The following PCDH1 variants were observed in gnomAD, a reference collection of about 807,000 sequenced individuals.
The protein encoded by PCDH1 is protocadherin-1.
PCDH1 carries 23 observed loss-of-function variants against 74.6 expected under a neutral mutation model. The observed-to-expected ratio is 0.31, with a 90% confidence interval of 0.22 to 0.44. The LOEUF (loss-of-function observed/expected upper bound fraction) is 0.44. Among genes scored for constraint, PCDH1 ranks in the 20% least tolerant of loss-of-function variants. The probability of loss-of-function intolerance (pLI) is 1.00; values close to 1 mark genes in which losing one functional copy is unlikely to be tolerated. For synonymous variants in PCDH1, 647 were observed against 686.1 expected (o/e 0.94, Z 0.89); for missense variants, 1,214 against 1,641.4 (o/e 0.74, Z 4.50).
intron 3 of PCDH1, chr5:141,862,555 G>A: frequency 1.1e-6 from 1 of 871,558 alleles, no homozygotes; most frequent in Non-Finnish European, 1.4e-6. Flanking sequence ...GAGGCAAAGA[G>A]AAGGGAAGGG....
At position 141,863,955 on chromosome 5, in the gene PCDH1, C is replaced by T. The variant is rs1596552520; in HGVS notation, c.2376G>A (p.Val792=). Residue 792 remains valine (V), a synonymous_variant, in exon 3 of 5, where the codon GTG becomes GTA. Transcript: ENST00000287008. This position sits in a 1 kb window ranked among gnomAD's most constrained non-coding sequence, Gnocchi z 7.5. ...GGGGCTTGCCGCGGTCACTGACCTT[C>T]ACCACCAGGCGGTGTAGCCCATGGT... ...RRHHGLHRLV[V]KVSDRGKPPR... 1.2e-6 allele frequency: 2 copies of T among 1,614,168 alleles called. No homozygotes were observed. Among genetic ancestry groups the T allele is most frequent in the South Asian group, 2.2e-5 (2 of 91,082 alleles).
Position 141,878,257 on chromosome 5 carries a change from G to A in PCDH1, c.6C>T (p.Asp2=). The A allele has an allele frequency of 4.5e-6, 6 of 1,327,382 alleles. No homozygotes were observed. Among genetic ancestry groups the A allele is most frequent in the Non-Finnish European group, 5.8e-6 (6 of 1,042,554 alleles). The allele number at this position is 1,327,382 out of a possible 1,614,324, so 82.2% of individuals were successfully genotyped here. A position where few individuals can be genotyped will look rare whatever the true frequency, so the allele number is the denominator to read the frequency against. The part of the protein sequence containing the change: M[D]SGAGGRRCPE... ...GGCAGCGCCGGCCGCCCGCCCCGCT[G>A]TCCATGAGCCGCCGCCGGCCCCGGC... is the stretch of plus-strand genomic sequence containing the variant. The change falls in exon 1 of 5, where the codon GAC becomes GAT. Residue 2 remains aspartate (D), a synonymous_variant. Transcript: ENST00000287008. The surrounding 1 kb of genome is among the most constrained non-coding windows in gnomAD (Gnocchi z 5.5).
In PCDH1 at chr5:141,878,124, G is replaced by A; in HGVS notation, c.40+99C>T. 2 of 1,157,304 alleles carry A rather than the reference G, an allele frequency of 1.7e-6. No individual in the cohort carries two copies. The highest frequency in any genetic ancestry group is 1.6e-5 in the African/African-American group (1 of 60,796). 71.7% of individuals were successfully genotyped at this position (1,157,304 alleles called of 1,614,324 possible). A position where few individuals can be genotyped will look rare whatever the true frequency, so the allele number is the denominator to read the frequency against. ...CGCGCCGAGCTCGTGTTGGGCCCCC[G>A]CGGCCTCGCTCCGCCGAGCGCCCCT... On this transcript the variant is annotated intron_variant, in intron 1 of 4. Coordinates refer to ENST00000287008, the MANE Select transcript of PCDH1 (RefSeq NM_032420.5). The surrounding 1 kb of genome is among the most constrained non-coding windows in gnomAD (Gnocchi z 5.5).
intron 2 of PCDH1, among the ~76,000 whole-genome samples, chr5:141,866,535 G>A (rs983321991): frequency 6.6e-6 from 1 of 152,218 alleles, no homozygotes; most frequent in Non-Finnish European, 1.5e-5. Context: ...GACTGCTGTG[G>A]GGAGTGAGGG....
Position 141,878,101 on chromosome 5 carries a change from C to T in PCDH1, c.40+122G>A. The T allele has an allele frequency of 3.4e-6, 3 of 885,684 alleles. No individual in the cohort carries two copies. The highest frequency in any genetic ancestry group is 4.6e-6 in the Non-Finnish European group (3 of 645,802). The allele number at this position is 885,684 out of a possible 1,614,324, so 54.9% of individuals were successfully genotyped here. A position where few individuals can be genotyped will look rare whatever the true frequency, so the allele number is the denominator to read the frequency against. ...AGCAGCCCCCACCTCAGCCCCCTCG[C>T]GCCGAGCTCGTGTTGGGCCCCCGCG... On this transcript the variant is annotated intron_variant, in intron 1 of 4. Coordinates refer to ENST00000287008, the MANE Select transcript of PCDH1 (RefSeq NM_032420.5). The surrounding 1 kb of genome is among the most constrained non-coding windows in gnomAD (Gnocchi z 5.5).
chr5:141,856,380 AGACAAGGGCCCTG>A, intron 4 of PCDH1: 1 of 816,982 alleles, frequency 1.2e-6, no homozygotes, highest in Non-Finnish European at 2.0e-6. Context: ...CCGGGAGGTT[AGACAAGGGCCCTG>A]TGCCTGAGGC....
chr5:141,863,744 C>T lies in PCDH1; in HGVS notation c.2587G>A (p.Ala863Thr). The T allele has an allele frequency of 6.2e-7, 1 of 1,614,200 alleles. No individual in the cohort carries two copies. Among genetic ancestry groups the T allele is most frequent in the Non-Finnish European group, 8.5e-7 (1 of 1,180,024 alleles). ...ILFGVVAGVV[A>T]VALLIALAVL... ...GCCAGGGCGATGAGCAAGGCCACGG[C>T]CACCACACCAGCCACCACACCAAAG... The change falls in exon 3 of 5, where the codon GCC becomes ACC. Residue 863 changes from alanine (A) to threonine (T), a missense_variant. By Grantham distance (58) the Ala-to-Thr change is moderately conservative. Around this residue, in one of 4 missense-constraint regions of PCDH1, gnomAD observed 836 missense variants for 1,182.2 expected, o/e 0.71. Transcript: ENST00000287008. The surrounding 1 kb of genome is among the most constrained non-coding windows in gnomAD (Gnocchi z 7.5).
chr5:141,867,102 C>G (rs189020357), intron 2 of PCDH1, among the ~76,000 whole-genome samples: 1 of 152,224 alleles, frequency 6.6e-6, no homozygotes, highest in East Asian at 1.9e-4. Flanking sequence ...ATGAGGATCC[C>G]CAGTCTCCCT....
Position 141,865,301 on chromosome 5 carries a change from G to A in PCDH1, c.1030C>T (p.Pro344Ser). Reference protein sequence around the residue: ...RNTGLITVQGPVDREDLSTLR... With the variant: ...RNTGLITVQGSVDREDLSTLR... Reference sequence around the variant, plus strand: ...GTGCTTAGGTCCTCACGGTCCACCGGGCCCTGAACAGTGATAAGTCCAGTG... The same window carrying A: ...GTGCTTAGGTCCTCACGGTCCACCGAGCCCTGAACAGTGATAAGTCCAGTG... The change falls in exon 3 of 5, where the codon CCG becomes TCG. Residue 344 changes from proline (P) to serine (S), a missense_variant. Coordinates refer to ENST00000287008, the MANE Select transcript of PCDH1 (RefSeq NM_032420.5). This position sits in a 1 kb window ranked among gnomAD's most constrained non-coding sequence, Gnocchi z 4.4. The A allele has an allele frequency of 6.2e-7, 1 of 1,614,156 alleles. No individual in the cohort carries two copies. The highest frequency in any genetic ancestry group is 2.2e-5 in the East Asian group (1 of 44,872).
chr5:141,868,285 A>G lies in PCDH1; in HGVS notation c.903+284T>C, dbSNP rs1420847163. 2.0e-5 allele frequency among the ~76,000 whole-genome samples: 3 copies of G among 152,152 alleles called. No individual in the cohort carries two copies. Among genetic ancestry groups the G allele is most frequent in the Admixed American group, 6.5e-5 (1 of 15,282 alleles). ...GAAGGATCTACTTGACTAGGGCGGG[A>G]GTTTTACTTCTCAGAGGTTCCCCCA... On this transcript the variant is annotated intron_variant, in intron 2 of 4. Transcript: ENST00000287008. This position sits in a 1 kb window ranked among gnomAD's most constrained non-coding sequence, Gnocchi z 4.8.
At chr5:141,857,785 A>T (rs1752407740) in intron 3 of PCDH1, among the ~76,000 whole-genome samples, 1 of 152,208 alleles carries the variant, frequency 6.6e-6, no homozygotes, top group African/African-American at 2.4e-5. Context: ...TTGTTATAGC[A>T]CAACCCTTCT....
At position 141,853,989 on chromosome 5, in the gene PCDH1, T is replaced by C. The variant is rs990511417; in HGVS notation, c.*53A>G. ...GAGAGTGAGGCCCTGGAATGGGCCA[T>C]TTGGGAGCTGGCCGGCGGCTGGGGG... On this transcript the variant is annotated 3_prime_UTR_variant, in exon 5 of 5. Coordinates refer to ENST00000287008, the MANE Select transcript of PCDH1 (RefSeq NM_032420.5). 1 of 1,426,480 alleles carries C rather than the reference T, an allele frequency of 7.0e-7. No homozygotes were observed. The highest frequency in any genetic ancestry group is 9.3e-7 in the Non-Finnish European group (1 of 1,074,126). The allele number at this position is 1,426,480 out of a possible 1,614,324, so 88.4% of individuals were successfully genotyped here. A position where few individuals can be genotyped will look rare whatever the true frequency, so the allele number is the denominator to read the frequency against.
Position 141,878,080 on chromosome 5 carries a change from GC to G in PCDH1, c.40+142del. On this transcript the variant is annotated intron_variant, in intron 1 of 4. Coordinates refer to ENST00000287008, the MANE Select transcript of PCDH1 (RefSeq NM_032420.5). This position sits in a 1 kb window ranked among gnomAD's most constrained non-coding sequence, Gnocchi z 5.5. ...CATCCCCTGCTATGGGCTCCCAGCA[GC>G]CCCCACCTCAGCCCCCTCGCGCCGA... 1.5e-6 allele frequency: 1 copy of G among 667,704 alleles called. No homozygotes were observed. Among genetic ancestry groups the G allele is most frequent in the Non-Finnish European group, 2.2e-6 (1 of 459,942 alleles). 41.4% of individuals were successfully genotyped at this position (667,704 alleles called of 1,614,324 possible). A position where few individuals can be genotyped will look rare whatever the true frequency, so the allele number is the denominator to read the frequency against.
Position 141,863,719 on chromosome 5 carries a change from G to A in PCDH1, c.2612C>T (p.Ala871Val), listed in dbSNP as rs780317619. 6.2e-6 allele frequency: 10 copies of A among 1,614,052 alleles called. No individual in the cohort carries two copies. Among genetic ancestry groups the A allele is most frequent in the African/African-American group, 2.7e-5 (2 of 74,918 alleles). The change falls in exon 3 of 5, where the codon GCG (alanine) becomes GTG (valine). Residue 871 changes from alanine to valine, a missense_variant. By Grantham distance (64) the Ala-to-Val change is moderately conservative. Transcript: ENST00000287008. This position sits in a 1 kb window ranked among gnomAD's most constrained non-coding sequence, Gnocchi z 7.5. ...CTGTCTGCAGTAGCGCACAAGAACC[G>A]CCAGGGCGATGAGCAAGGCCACGGC... ...VVAVALLIALAVLVRYCRQRE... is the reference protein window; with the variant it reads ...VVAVALLIALVVLVRYCRQRE...
intron 3 of PCDH1, among the ~76,000 whole-genome samples, chr5:141,858,736 G>A (rs1026091370): frequency 6.6e-6 from 1 of 152,196 alleles, no homozygotes; most frequent in East Asian, 1.9e-4. Context: ...GAGGCCAGGG[G>A]TGAAAACAGC....
chr5:141,857,780 A>G (rs1752407350), intron 3 of PCDH1, among the ~76,000 whole-genome samples: 2 of 152,194 alleles, frequency 1.3e-5, no homozygotes, highest in Non-Finnish European at 2.9e-5. Flanking sequence ...ACCGCTTGTT[A>G]TAGCACAACC....
chr5:141,871,401 T>C (rs1753093693), intron 1 of PCDH1, among the ~76,000 whole-genome samples: 1 of 152,218 alleles, frequency 6.6e-6, no homozygotes, highest in Non-Finnish European at 1.5e-5. Flanking sequence ...CTGTATACCA[T>C]TTGGCGAATG....
At chr5:141,871,637 A>G (rs1753098649) in intron 1 of PCDH1, among the ~76,000 whole-genome samples, 1 of 152,218 alleles carries the variant, frequency 6.6e-6, no homozygotes, top group Non-Finnish European at 1.5e-5. Flanking sequence ...GCACAATTGT[A>G]GTTGTGTACC....
chr5:141,877,729 G>A (rs1400804733), intron 1 of PCDH1, among the ~76,000 whole-genome samples: 1 of 152,190 alleles, frequency 6.6e-6, no homozygotes, highest in East Asian at 1.9e-4. Context: ...ATGTATGTGT[G>A]TATATATGTC....
Sources: allele counts gnomAD v4.1 joint callset (sites outside exome capture counted in the v4.1 genomes callset), GRCh38; gene constraint gnomAD v4.1.1; regional missense constraint gnomAD v4.1.1; non-coding constraint Gnocchi (gnomAD v3.1); transcripts MANE v1.5; gene names NCBI Gene and HGNC (gene_info 2026-07-23, HGNC 2026-07-21).